The following NT5DC3 variants were observed in gnomAD, a reference collection of about 807,000 sequenced individuals.
NT5DC3 encodes 5'-nucleotidase domain containing 3, also known as 5'-nucleotidase domain-containing protein 3.
A neutral mutation model predicts 67.8 loss-of-function variants in NT5DC3; 42 were observed. That is an observed-to-expected ratio of 0.62 (90% CI 0.48 to 0.80). NT5DC3 has a LOEUF of 0.80. Among genes scored for constraint, NT5DC3 ranks in the 30% least tolerant of loss-of-function variants. The pLI, the probability that NT5DC3 is intolerant of heterozygous loss-of-function variation, is 0.00. For synonymous variants in NT5DC3, 237 were observed against 255.6 expected (o/e 0.93, Z 0.69); for missense variants, 570 against 696.4 (o/e 0.82, Z 2.04).
At chr12:103,831,392 G>A (rs10861111) in intron 1 of NT5DC3, among the ~76,000 whole-genome samples, 20,649 of 152,034 alleles carry the variant, frequency 0.14, 1,558 homozygotes, top group Middle Eastern at 0.28. Context: ...CCCAGTCTCC[G>A]GTATTTCTTC....
chr12:103,784,997 G>C (rs1885703983), intron 12 of NT5DC3, among the ~76,000 whole-genome samples: 2 of 152,140 alleles, frequency 1.3e-5, no homozygotes, highest in African/African-American at 4.8e-5. Context: ...GCCCAGAATG[G>C]AGAAGTCCCA....
chr12:103,841,006 G>T lies in NT5DC3; in HGVS notation c.151C>A (p.Pro51Thr), dbSNP rs2139509494. 2 of 1,305,850 alleles carry T rather than the reference G, an allele frequency of 1.5e-6. No homozygotes were observed. Among genetic ancestry groups the T allele is most frequent in the Middle Eastern group, 2.6e-4 (1 of 3,774 alleles). The allele number at this position is 1,305,850 out of a possible 1,614,324, so 80.9% of individuals were successfully genotyped here. A position where few individuals can be genotyped will look rare whatever the true frequency, so the allele number is the denominator to read the frequency against. ...RPLCTAPGTA[P>T]DMKRYLWERY... ...TCCCACAGGTAGCGCTTCATGTCCG[G>T]GGCGGTCCCGGGTGCAGTGCACAAG... is the stretch of plus-strand genomic sequence containing the variant. The change falls in exon 1 of 14, where the codon CCG becomes ACG. Residue 51 changes from proline to threonine, a missense_variant. Coordinates refer to ENST00000392876, the MANE Select transcript of NT5DC3 (RefSeq NM_001031701.3).
intron 9 of NT5DC3, among the ~76,000 whole-genome samples, chr12:103,791,436 G>A (rs183323788): frequency 1.5e-4 from 23 of 152,110 alleles, no homozygotes; most frequent in African/African-American, 4.3e-4. Context: ...ACCCAGCTAG[G>A]TGCATGTTTT....
At chr12:103,782,066 A>C (rs1231279026) in intron 12 of NT5DC3, among the ~76,000 whole-genome samples, 5 of 152,228 alleles carry the variant, frequency 3.3e-5, no homozygotes, top group Non-Finnish European at 7.3e-5. Context: ...AAAAAACTCA[A>C]AAGAAGAATA....
Position 103,817,631 on chromosome 12 carries a change from G to A in NT5DC3, c.209-2510C>T, listed in dbSNP as rs1048725305. ...TTAATCCTTCCCACAACCTTAGGAA[G>A]CAAATACTACTTTATCCCCATTTCA... On this transcript the variant is annotated intron_variant, in intron 1 of 13. Coordinates refer to ENST00000392876, the MANE Select transcript of NT5DC3 (RefSeq NM_001031701.3). Among the ~76,000 whole-genome samples, 14 of 152,214 alleles carry A rather than the reference G, an allele frequency of 9.2e-5. 1 individual carries two copies. The highest frequency in any genetic ancestry group is 2.0e-4 in the Admixed American group (3 of 15,296).
In NT5DC3 at chr12:103,774,913, G is replaced by A. The variant is rs1412748037; in HGVS notation, c.*2916C>T. On this transcript the variant is annotated 3_prime_UTR_variant, in exon 14 of 14. Coordinates refer to ENST00000392876, the MANE Select transcript of NT5DC3 (RefSeq NM_001031701.3). Reference sequence around the variant, plus strand: ...TAGTCCCAGCTACTCGGGAGGCTGAGGCACGAAAATTGCTTGAACCTGGGA... The same window carrying A: ...TAGTCCCAGCTACTCGGGAGGCTGAAGCACGAAAATTGCTTGAACCTGGGA... 6.6e-6 allele frequency: 1 copy of A among 151,838 alleles called. No homozygotes were observed. Among genetic ancestry groups the A allele is most frequent in the South Asian group, 2.1e-4 (1 of 4,806 alleles). The allele number at this position is 151,838 out of a possible 1,614,324, so 9.4% of individuals were successfully genotyped here.
At chr12:103,821,582 G>A (rs1211810343) in intron 1 of NT5DC3, among the ~76,000 whole-genome samples, 2 of 152,172 alleles carry the variant, frequency 1.3e-5, no homozygotes, top group African/African-American at 4.8e-5. Flanking sequence ...CAGGGAAGAG[G>A]CACTCTTTTC....
intron 1 of NT5DC3, among the ~76,000 whole-genome samples, chr12:103,840,213 T>C (rs559897053): frequency 6.6e-6 from 1 of 152,312 alleles, no homozygotes; most frequent in South Asian, 2.1e-4. Context: ...TGCCCGGCAC[T>C]GGTATTTATT....
chr12:103,822,203 GAATA>G (rs1034866065), intron 1 of NT5DC3: 49 of 146,956 alleles, frequency 3.3e-4, no homozygotes, highest in African/African-American at 1.1e-3. Flanking sequence ...AAAAGCAACA[GAATA>G]AATCACGAAG....
chr12:103,787,108 T>C (rs1885818423), intron 11 of NT5DC3, among the ~76,000 whole-genome samples: 1 of 152,232 alleles, frequency 6.6e-6, no homozygotes, highest in African/African-American at 2.4e-5. Flanking sequence ...TTTATGTTTT[T>C]TGATGCATCG....
chr12:103,821,726 T>G (rs886636248), intron 1 of NT5DC3: 2 of 152,234 alleles, frequency 1.3e-5, no homozygotes, highest in African/African-American at 4.8e-5. Context: ...AAAAGTTTAT[T>G]TTAAGAAAAT....
In NT5DC3 at chr12:103,801,372, C is replaced by CTTTTTTTTTTTTT. The variant is rs869237844; in HGVS notation, c.525-2708_525-2696dup. Among the ~76,000 whole-genome samples the CTTTTTTTTTTTTT allele has an allele frequency of 2.9e-4, 23 of 78,940 alleles. 3 individuals carry two copies. The highest frequency in any genetic ancestry group is 1.1e-3 in the African/African-American group (21 of 18,414). 51.8% of individuals were successfully genotyped at this position (78,940 alleles called of 152,430 possible). On this transcript the variant is annotated intron_variant, in intron 4 of 13. Transcript: ENST00000392876. ...TCCTAATGACTTGCTTTGGGGTGGG[C>CTTTTTTTTTTTTT]TTTTTTTTTTTTTTTTTTTTTTTTT...
At chr12:103,778,106 G>A (rs777194626) in intron 13 of NT5DC3, 25 bp from the exon 14 acceptor site, 6 of 1,561,800 alleles carry the variant, frequency 3.8e-6, no homozygotes, top group East Asian at 4.6e-5. Context: ...AAAAAGCAAA[G>A]CAACAGAGAA....
intron 4 of NT5DC3, among the ~76,000 whole-genome samples, chr12:103,802,786 C>T (rs1291528748): frequency 6.6e-6 from 1 of 152,160 alleles, no homozygotes; most frequent in African/African-American, 2.4e-5. Flanking sequence ...AACCAAGAGT[C>T]TTGACCAATC....
intron 11 of NT5DC3, among the ~76,000 whole-genome samples, chr12:103,787,181 A>G (rs1295384848): frequency 7.3e-6 from 1 of 137,236 alleles, no homozygotes; most frequent in African/African-American, 2.6e-5. Context: ...TTATTCTGAT[A>G]AACTCTGAGT....
chr12:103,815,547 G>A (rs1157288347), intron 1 of NT5DC3, among the ~76,000 whole-genome samples: 1 of 152,024 alleles, frequency 6.6e-6, no homozygotes, highest in Admixed American at 6.6e-5. Flanking sequence ...TCAGCTTCCT[G>A]AGTTGCTGGG....
chr12:103,829,372 C>A (rs1887831149), intron 1 of NT5DC3, among the ~76,000 whole-genome samples: 1 of 152,248 alleles, frequency 6.6e-6, no homozygotes, highest in South Asian at 2.1e-4. Flanking sequence ...GGCCCATGAA[C>A]TGTGGTTTGC....
downstream of NT5DC3, among the ~76,000 whole-genome samples, chr12:103,769,949 C>T (rs1182291634): frequency 6.6e-6 from 1 of 152,184 alleles, no homozygotes; most frequent in East Asian, 1.9e-4. Context: ...GAAAGTAATG[C>T]GAAGGATTGG....
chr12:103,763,896 GAA>G, the NT5DC3 span: 2 of 263,510 alleles, frequency 7.6e-6, no homozygotes, highest in East Asian at 7.1e-5. Flanking sequence ...ATGCCACAGT[GAA>G]AAAAAGTCTT....
Sources: allele counts gnomAD v4.1 joint callset (sites outside exome capture counted in the v4.1 genomes callset), GRCh38; gene constraint gnomAD v4.1.1; transcripts MANE v1.5; gene names NCBI Gene and HGNC (gene_info 2026-07-23, HGNC 2026-07-21).